Variants in CBLB observed in about 807,000 individuals in gnomAD.
The protein encoded by CBLB is Cbl proto-oncogene B.
CBLB carries 31 observed loss-of-function variants against 104.9 expected under a neutral mutation model. The ratio of observed to expected loss-of-function variants is 0.30; its 90% CI spans 0.22 to 0.40. CBLB has a LOEUF of 0.40. CBLB is among the 10% of genes least tolerant of loss of function. The pLI is 1.00. For synonymous variants in CBLB, 440 were observed against 422.6 expected (o/e 1.04, Z -0.51); for missense variants, 1,062 against 1,214.6 (o/e 0.87, Z 1.87).
intron 3 of CBLB, among the ~76,000 whole-genome samples, chr3:105,802,038 A>G (rs1045033336): frequency 5.3e-5 from 8 of 152,204 alleles, no homozygotes; most frequent in African/African-American, 1.9e-4. Context: ...TTAGCCAACA[A>G]TAACTCACTG....
At chr3:105,794,209 T>C (rs949997242) in intron 3 of CBLB, among the ~76,000 whole-genome samples, 7 of 152,206 alleles carry the variant, frequency 4.6e-5, no homozygotes, top group Admixed American at 3.9e-4. Flanking sequence ...ATTATGAATA[T>C]TTTCTGTGAA....
intron 3 of CBLB, among the ~76,000 whole-genome samples, chr3:105,819,605 T>C (rs548114387): frequency 2.6e-5 from 4 of 152,332 alleles, no homozygotes; most frequent in African/African-American, 9.6e-5. Flanking sequence ...TTTTGTTTGT[T>C]TGTATCTTTG....
intron 2 of CBLB, among the ~76,000 whole-genome samples, chr3:105,860,360 T>C (rs780854268): frequency 4.8e-4 from 73 of 152,304 alleles, no homozygotes; most frequent in Non-Finnish European, 8.2e-4. Context: ...AATTTGATAA[T>C]ATCAAATATG....
At chr3:105,729,699 T>C (rs1195034777) in intron 9 of CBLB, among the ~76,000 whole-genome samples, 1 of 152,146 alleles carries the variant, frequency 6.6e-6, no homozygotes, top group Non-Finnish European at 1.5e-5. Context: ...CTTACTGACA[T>C]ATTTATCATC....
intron 2 of CBLB, among the ~76,000 whole-genome samples, chr3:105,855,747 C>A (rs888820306): frequency 1.3e-5 from 2 of 152,148 alleles, no homozygotes; most frequent in African/African-American, 4.8e-5. Flanking sequence ...TAGATTATTT[C>A]TCTAATCACT....
At chr3:105,719,994 T>C (rs2072532813) in intron 10 of CBLB, 53 bp downstream of exon 10, 2 of 1,339,518 alleles carry the variant, frequency 1.5e-6, no homozygotes. Context: ...ACGGCATCAT[T>C]TCCTTTTCAT....
chr3:105,835,874 A>T (rs2153086060), intron 3 of CBLB, among the ~76,000 whole-genome samples: 1 of 152,324 alleles, frequency 6.6e-6, no homozygotes, highest in Admixed American at 6.5e-5. Context: ...ATCCCACATA[A>T]ATGACAGTTT....
rs1559845918 is a variant in CBLB at position 105,693,550 on chromosome 3, A to T, written c.1998T>A (p.Asp666Glu). The T allele has an allele frequency of 6.2e-7, 1 of 1,612,774 alleles. No individual in the cohort carries two copies. Among genetic ancestry groups the T allele is most frequent in the Non-Finnish European group, 8.5e-7 (1 of 1,178,962 alleles). ...GAGGAGGAGAAAGCCGGGGAGGAAC[A>T]TCATATTCTTCACTTCCAAGGTGAC... ...SNGHLGSEEY[D>E]VPPRLSPPPP... Residue 666 changes from aspartate (D) to glutamate (E), a missense_variant, in exon 13 of 19, where the codon GAT (aspartate) becomes GAA (glutamate). By Grantham distance (45) the Asp-to-Glu change is conservative. Transcript: ENST00000394030.
chr3:105,854,252 C>A (rs752280676), intron 2 of CBLB, among the ~76,000 whole-genome samples: 2 of 152,190 alleles, frequency 1.3e-5, no homozygotes, highest in Non-Finnish European at 2.9e-5. Flanking sequence ...TGGCATATAA[C>A]GGTTCAGTCA....
At position 105,721,861 on chromosome 3, in the gene CBLB, T is replaced by C. The variant is rs2072884165; in HGVS notation, c.1204-1611A>G. The stretch of plus-strand genomic sequence containing the variant: ...TAAATTTAAAGTCATATTCAATATA[T>C]ATTATCATTTAGGCAAAACTCCCCT... On this transcript the variant is annotated intron_variant, in intron 9 of 18. Coordinates refer to ENST00000394030, the MANE Select transcript of CBLB (RefSeq NM_170662.5). 2.0e-5 allele frequency among the ~76,000 whole-genome samples: 3 copies of C among 152,114 alleles called. No homozygotes were observed. The South Asian group carries it at 6.2e-4, about 32-fold the overall frequency.
intron 2 of CBLB, among the ~76,000 whole-genome samples, chr3:105,862,591 T>A (rs1460813978): frequency 6.6e-6 from 1 of 152,228 alleles, no homozygotes; most frequent in Admixed American, 6.5e-5. Flanking sequence ...TCATTACTCT[T>A]GCTTTCAGTT....
intron 4 of CBLB, among the ~76,000 whole-genome samples, chr3:105,771,381 C>T (rs1243438255): frequency 6.6e-6 from 1 of 151,936 alleles, no homozygotes; most frequent in African/African-American, 2.4e-5. Flanking sequence ...AGAGATTTAC[C>T]CGAAAGTAAT....
chr3:105,797,079 A>G (rs902184830), intron 3 of CBLB, among the ~76,000 whole-genome samples: 5 of 152,238 alleles, frequency 3.3e-5, no homozygotes, highest in Admixed American at 6.5e-5. Context: ...CAATTCCATT[A>G]TTGTGTATAT....
At chr3:105,865,784 A>T (rs1032514393) in intron 2 of CBLB, among the ~76,000 whole-genome samples, 93 of 152,218 alleles carry the variant, frequency 6.1e-4, no homozygotes, top group African/African-American at 2.2e-3. Context: ...AGGGTGGGGG[A>T]AAAAGAACAG....
chr3:105,827,165 A>G (rs149235630), intron 3 of CBLB, among the ~76,000 whole-genome samples: 30 of 152,288 alleles, frequency 2.0e-4, no homozygotes, highest in Middle Eastern at 3.4e-3. Context: ...ATTTCAACAC[A>G]ATGAAACATA....
chr3:105,845,580 T>C (rs566809158), intron 3 of CBLB, among the ~76,000 whole-genome samples: 2 of 152,074 alleles, frequency 1.3e-5, no homozygotes, highest in South Asian at 2.1e-4. Context: ...TCACTTTTCA[T>C]TGAAAAATCA....
chr3:105,663,695 A>G lies in CBLB; in HGVS notation c.2690-4466T>C, dbSNP rs115938106. On this transcript the variant is annotated intron_variant, in intron 18 of 18. Transcript: ENST00000394030. ...TGGGAATTAGCCTAACATGGTTGGA[A>G]TAATACCCAGAATGATTACTCTAGG... Among the ~76,000 whole-genome samples, 850 of 152,288 alleles carry G rather than the reference A, an allele frequency of 5.6e-3. 3 individuals are homozygous for G. Among genetic ancestry groups the G allele is most frequent in the Non-Finnish European group, 7.5e-3 (512 of 68,018 alleles).
intron 18 of CBLB, among the ~76,000 whole-genome samples, chr3:105,659,459 A>G (rs1235527348): frequency 6.6e-6 from 1 of 152,220 alleles, no homozygotes; most frequent in Non-Finnish European, 1.5e-5. Context: ...AGAAATTTAC[A>G]CATCTCCTTC....
chr3:105,720,218 A>G lies in CBLB; in HGVS notation c.1236T>C (p.Arg412=), dbSNP rs114713073. 1.9e-6 allele frequency: 3 copies of G among 1,613,554 alleles called. No homozygotes were observed. The highest frequency in any genetic ancestry group is 1.7e-4 in the Middle Eastern group (1 of 5,994). ...TGGGCTCAGTTCCTTTTATTTCACA[A>G]CGACAGAAAGGGCAGCCCTGACCAT... The part of the protein sequence containing the change: ...ESDGQGCPFC[R]CEIKGTEPII... The change falls in exon 10 of 19, where the codon CGT becomes CGC. Residue 412 remains arginine, a synonymous_variant. Transcript: ENST00000394030.
Sources: gnomAD v4.1 joint callset for allele counts (sites outside exome capture counted in the v4.1 genomes callset) on GRCh38, gnomAD v4.1.1 for gene constraint, MANE v1.5 for transcripts, NCBI Gene and HGNC (gene_info 2026-07-23, HGNC 2026-07-21) for gene names.